The following SLC6A11 variants were observed in gnomAD, a reference collection of about 807,000 sequenced individuals.
SLC6A11 encodes the protein sodium- and chloride-dependent GABA transporter 3.
SLC6A11 carries 25 observed loss-of-function variants against 74.8 expected under a neutral mutation model. The ratio of observed to expected loss-of-function variants is 0.33; its 90% CI spans 0.24 to 0.47. SLC6A11 has a LOEUF of 0.47. Among genes scored for constraint, SLC6A11 ranks in the 20% least tolerant of loss-of-function variants. The pLI, the probability that SLC6A11 is intolerant of heterozygous loss-of-function variation, is 1.00. For synonymous variants in SLC6A11, 330 were observed against 330.2 expected, an observed-to-expected ratio of 1.00 and a Z score of 0.01; for missense variants, 574 against 837.0, an observed-to-expected ratio of 0.69 and a Z score of 3.88.
At chr3:10,925,775 C>G (rs1225071555) in intron 8 of SLC6A11, among the ~76,000 whole-genome samples, 1 of 152,166 alleles carries the variant, frequency 6.6e-6, no homozygotes, top group Non-Finnish European at 1.5e-5. Context: ...TGAATCCTGA[C>G]CCTTCCAAGG....
intron 8 of SLC6A11, among the ~76,000 whole-genome samples, chr3:10,920,622 G>C (rs1029753628): frequency 1.3e-5 from 2 of 152,184 alleles, no homozygotes; most frequent in African/African-American, 2.4e-5. Context: ...CTGCAACATA[G>C]GTTTTACCAG....
At chr3:10,905,388 G>A (rs970916521) in intron 6 of SLC6A11, among the ~76,000 whole-genome samples, 2 of 152,222 alleles carry the variant, frequency 1.3e-5, no homozygotes, top group Non-Finnish European at 2.9e-5. Context: ...CTCAGAGGCT[G>A]TGCTGGAAGC....
chr3:10,836,390 G>T (rs1211873347), intron 4 of SLC6A11, among the ~76,000 whole-genome samples: 1 of 152,210 alleles, frequency 6.6e-6, no homozygotes, highest in African/African-American at 2.4e-5. Flanking sequence ...GAGAGAAATT[G>T]CTGGGTTTTG....
Position 10,938,645 on chromosome 3 carries a change from G to T in SLC6A11, c.*243G>T, listed in dbSNP as rs554330502. On this transcript the variant is annotated 3_prime_UTR_variant, in exon 14 of 14. Transcript: ENST00000254488. ...CTGTACGGGGACTGCCAGATCTTCT[G>T]TCCTAGGGCAGTTTTAATCAATGTT... The T allele has an allele frequency of 1.3e-4, 47 of 363,538 alleles. No individual in the cohort carries two copies. The highest frequency in any genetic ancestry group is 3.5e-4 in the Admixed American group (8 of 22,778). The allele number at this position is 363,538 out of a possible 1,614,324, so 22.5% of individuals were successfully genotyped here. A position where few individuals can be genotyped will look rare whatever the true frequency, so the allele number is the denominator to read the frequency against.
At chr3:10,862,538 C>G (rs1200204740) in intron 5 of SLC6A11, among the ~76,000 whole-genome samples, 1 of 152,196 alleles carries the variant, frequency 6.6e-6, no homozygotes, top group Non-Finnish European at 1.5e-5. Context: ...AGTATCTTGT[C>G]ACCGTTGCAC....
chr3:10,846,547 AAGG>A (rs1694505807), intron 5 of SLC6A11, among the ~76,000 whole-genome samples: 1 of 152,174 alleles, frequency 6.6e-6, no homozygotes, highest in Non-Finnish European at 1.5e-5. Flanking sequence ...CTTTAGCCAT[AAGG>A]AGAAGACTCA....
intron 6 of SLC6A11, among the ~76,000 whole-genome samples, chr3:10,890,104 G>C (rs1695090544): frequency 6.6e-6 from 1 of 150,578 alleles, no homozygotes; most frequent in South Asian, 2.1e-4. Flanking sequence ...CCCATCTGTG[G>C]CTAGTGGCCA....
intron 5 of SLC6A11, among the ~76,000 whole-genome samples, chr3:10,854,336 C>T (rs776763900): frequency 6.6e-5 from 10 of 152,266 alleles, no homozygotes; most frequent in Non-Finnish European, 1.2e-4. Flanking sequence ...TTGCAGTGAG[C>T]CGAGATCGCA....
intron 6 of SLC6A11, among the ~76,000 whole-genome samples, chr3:10,909,727 GCAC>G (rs1695361932): frequency 6.6e-6 from 1 of 152,266 alleles, no homozygotes; most frequent in South Asian, 2.1e-4. Flanking sequence ...GTCAGCAGCT[GCAC>G]TGCTTTTTGC....
chr3:10,937,196 C>T (rs1285001988), intron 13 of SLC6A11, among the ~76,000 whole-genome samples: 1 of 152,188 alleles, frequency 6.6e-6, no homozygotes, highest in East Asian at 1.9e-4. Flanking sequence ...AGGCAGGTAC[C>T]GTTATTATCC....
intron 4 of SLC6A11, among the ~76,000 whole-genome samples, chr3:10,829,753 A>G (rs1463729000): frequency 6.6e-6 from 1 of 152,196 alleles, no homozygotes; most frequent in Non-Finnish European, 1.5e-5. Flanking sequence ...AGCTCCTAGC[A>G]TGTGGTGAGT....
intron 6 of SLC6A11, 114 bp from the exon 7 acceptor site, chr3:10,911,976 T>TA: frequency 9.3e-6 from 7 of 752,630 alleles, no homozygotes; most frequent in Non-Finnish European, 1.7e-5. Flanking sequence ...TAATTATCCC[T>TA]TATGGAGTTT....
intron 5 of SLC6A11, among the ~76,000 whole-genome samples, chr3:10,873,419 CCTATCCT>C (rs1694854732): frequency 6.8e-6 from 1 of 146,850 alleles, no homozygotes; most frequent in African/African-American, 2.6e-5. Context: ...CCTATCCTAT[CCTATCCT>C]ATCCTATCCT....
At chr3:10,911,958 A>C (rs1477456675) in intron 6 of SLC6A11, 132 bp from the exon 7 acceptor site, 2 of 697,462 alleles carry the variant, frequency 2.9e-6, no homozygotes, top group Non-Finnish European at 5.2e-6. Context: ...TGGGTAGGTT[A>C]GGAAGTTTAA....
rs2272394 is a variant in SLC6A11 at position 10,926,026 on chromosome 3, G to A, written c.1143G>A (p.Ala381=). The A allele has an allele frequency of 0.019, 30,317 of 1,611,712 alleles. 832 individuals carry two copies. The highest frequency in any genetic ancestry group is 0.15 in the East Asian group (6,696 of 44,806). The change falls in exon 9 of 14, where the codon GCG becomes GCA. Residue 381 remains alanine (A), a synonymous_variant. Transcript: ENST00000254488. This position sits in a 1 kb window ranked among gnomAD's most constrained non-coding sequence, Gnocchi z 5.7. ...CAGGCCCCGGCCTGGCCTTTATTGC[G>A]TACCCCAAGGCGGTCACCATGATGC... ...AESGPGLAFI[A]YPKAVTMMPL...
At chr3:10,882,864 G>A (rs1014387815) in intron 6 of SLC6A11, among the ~76,000 whole-genome samples, 3 of 152,098 alleles carry the variant, frequency 2.0e-5, no homozygotes, top group African/African-American at 4.8e-5. Context: ...TAAGAATATC[G>A]GCCGCACAGG....
chr3:10,844,567 A>G (rs1694479719), intron 5 of SLC6A11, among the ~76,000 whole-genome samples: 1 of 152,296 alleles, frequency 6.6e-6, no homozygotes, highest in Non-Finnish European at 1.5e-5. Flanking sequence ...GTACGTGACT[A>G]TGAGATAATA....
chr3:10,933,349 T>A (rs1695716316), intron 11 of SLC6A11, 96 bp downstream of exon 11: 1 of 828,484 alleles, frequency 1.2e-6, no homozygotes, highest in Admixed American at 1.8e-5. Flanking sequence ...CTCTGTGGCT[T>A]ATCTTGGTCT....
intron 6 of SLC6A11, among the ~76,000 whole-genome samples, chr3:10,891,132 A>C (rs867129432): frequency 6.6e-6 from 1 of 152,094 alleles, no homozygotes; most frequent in Admixed American, 6.6e-5. Flanking sequence ...TCAGACTTCT[A>C]TTTGCTCAGA....
Sources: allele counts gnomAD v4.1 joint callset (sites outside exome capture counted in the v4.1 genomes callset), GRCh38; gene constraint gnomAD v4.1.1; non-coding constraint Gnocchi (gnomAD v3.1); transcripts MANE v1.5; gene names NCBI Gene and HGNC (gene_info 2026-07-23, HGNC 2026-07-21).